TF: variants seen among roughly 807,000 people sequenced by gnomAD.
TF encodes the protein transferrin.
A neutral mutation model predicts 82.4 loss-of-function variants in TF; 55 were observed. That is an observed-to-expected ratio of 0.67 (90% CI 0.54 to 0.84). The LOEUF (loss-of-function observed/expected upper bound fraction) is 0.84. TF is among the 40% of genes least tolerant of loss of function. The probability of loss-of-function intolerance (pLI) is 0.00; values close to 1 mark genes in which losing one functional copy is unlikely to be tolerated. For synonymous variants in TF, 332 were observed against 332.6 expected, an observed-to-expected ratio of 1.00 and a Z score of 0.02; for missense variants, 737 against 868.4, an observed-to-expected ratio of 0.85 and a Z score of 1.90.
At chr3:133,713,852 AC>A in the TF span, among the ~76,000 whole-genome samples, 69 of 152,246 alleles carry the variant, frequency 4.5e-4, no homozygotes, top group African/African-American at 1.6e-3. Flanking sequence ...TATGGGGGGT[AC>A]CAAGTCCTGT....
chr3:133,735,803 A>G, the TF span, among the ~76,000 whole-genome samples: 1 of 152,358 alleles, frequency 6.6e-6, no homozygotes, highest in South Asian at 2.1e-4. Flanking sequence ...ATATGGGACT[A>G]TGTGAAAAGA....
In TF at chr3:133,778,567, T is replaced by TCTCTG. The variant is rs776974094; in HGVS notation, c.2063-10_2063-6dup. ...ATAGGAAGATTTTGAAAATCCTACC[T>TCTCTG]CTCTGCTCTGCTCCACAGCACTCCT... On this transcript the variant is annotated intron_variant, in intron 16 of 16. Transcript: ENST00000402696. 1.7e-5 allele frequency: 27 copies of TCTCTG among 1,612,364 alleles called. No homozygotes were observed. In the Middle Eastern group the frequency reaches 4.9e-4, roughly 29 times the overall value.
At chr3:133,682,823 C>A in the TF span, among the ~76,000 whole-genome samples, 1 of 152,194 alleles carries the variant, frequency 6.6e-6, no homozygotes, top group Non-Finnish European at 1.5e-5. Context: ...CCTAGCAAGG[C>A]AGGCCAACAT....
At chr3:133,715,548 C>A in the TF span, among the ~76,000 whole-genome samples, 1 of 152,190 alleles carries the variant, frequency 6.6e-6, no homozygotes, top group Non-Finnish European at 1.5e-5. Flanking sequence ...ATCTTAAACA[C>A]AAATAACTAA....
At chr3:133,708,496 T>G in the TF span, among the ~76,000 whole-genome samples, 1 of 151,966 alleles carries the variant, frequency 6.6e-6, no homozygotes, top group African/African-American at 2.4e-5. Context: ...TCTACTAGAG[T>G]AACATGAGGG....
At chr3:133,711,077 C>A in the TF span, among the ~76,000 whole-genome samples, 49 of 152,336 alleles carry the variant, frequency 3.2e-4, no homozygotes, top group African/African-American at 1.2e-3. Flanking sequence ...TGAAAACACA[C>A]TGGTTTGTTT....
In TF at chr3:133,784,510, G is replaced by T. The variant is rs1217539507; in HGVS notation, c.*5890G>T. On this transcript the variant is annotated 3_prime_UTR_variant, in exon 17 of 17. Coordinates refer to ENST00000402696, the MANE Select transcript of TF (RefSeq NM_001063.4). ...ATAATAATAATAATAATAATAATAG[G>T]ACATAAATGGCTTCTGGAGATGACT... 2.1e-5 allele frequency: 3 copies of T among 145,882 alleles called. No homozygotes were observed. The highest frequency in any genetic ancestry group is 3.0e-5 in the Non-Finnish European group (2 of 65,878). 9.0% of individuals were successfully genotyped at this position (145,882 alleles called of 1,614,324 possible). A position where few individuals can be genotyped will look rare whatever the true frequency, so the allele number is the denominator to read the frequency against.
At chr3:133,728,816 G>T in the TF span, among the ~76,000 whole-genome samples, 3 of 152,174 alleles carry the variant, frequency 2.0e-5, no homozygotes, top group Non-Finnish European at 4.4e-5. Context: ...TGATGGTGAT[G>T]TACAGATGGG....
chr3:133,722,586 T>TA, the TF span, among the ~76,000 whole-genome samples: 2 of 152,172 alleles, frequency 1.3e-5, no homozygotes, highest in African/African-American at 4.8e-5. Context: ...TATCTGTGGT[T>TA]ACCATGGGGC....
the TF span, among the ~76,000 whole-genome samples, chr3:133,695,499 G>T: frequency 6.6e-6 from 1 of 152,048 alleles, no homozygotes; most frequent in African/African-American, 2.4e-5. Context: ...ACCCACTTTT[G>T]TCTCCCAAAG....
At chr3:133,711,561 G>A in the TF span, among the ~76,000 whole-genome samples, 13 of 152,002 alleles carry the variant, frequency 8.6e-5, no homozygotes, top group African/African-American at 3.1e-4. Context: ...TCTATCTCCA[G>A]GGGTGCCAAT....
the TF span, among the ~76,000 whole-genome samples, chr3:133,726,538 T>C: frequency 3.3e-5 from 5 of 152,222 alleles, no homozygotes; most frequent in Admixed American, 3.3e-4. Context: ...TCTATTTGAT[T>C]CTTCTCTCTT....
the TF span, among the ~76,000 whole-genome samples, chr3:133,733,874 A>AAAAAC: frequency 6.6e-6 from 1 of 151,126 alleles, no homozygotes; most frequent in African/African-American, 2.5e-5. Flanking sequence ...AAACAAAAAA[A>AAAAAC]AAAAAAACAT....
upstream of TF, chr3:133,746,226 C>G: frequency 1.6e-6 from 1 of 625,136 alleles, no homozygotes; most frequent in Non-Finnish European, 2.9e-6. Flanking sequence ...ACTCGCGGGT[C>G]GTCTCCAGAG....
At chr3:133,679,169 C>T in the TF span, among the ~76,000 whole-genome samples, 1 of 152,242 alleles carries the variant, frequency 6.6e-6, no homozygotes, top group African/African-American at 2.4e-5. Context: ...CCACACCCGG[C>T]CAGCCCAGCT....
chr3:133,779,321 A>G lies in TF; in HGVS notation c.*701A>G, dbSNP rs1431098924. On this transcript the variant is annotated 3_prime_UTR_variant, in exon 17 of 17. Transcript: ENST00000402696. ...AGGTGGAGGCTGACTTTTCTGTCTC[A>G]CTTATTATTGGCTGAACATACAGAA... The G allele has an allele frequency of 1.3e-5, 2 of 152,330 alleles. No individual in the cohort carries two copies. The allele number at this position is 152,330 out of a possible 1,614,324, so 9.4% of individuals were successfully genotyped here.
chr3:133,759,392 C>G, intron 9 of TF, 63 bp downstream of exon 9: 1 of 1,597,158 alleles, frequency 6.3e-7, no homozygotes, highest in Non-Finnish European at 8.5e-7. Context: ...GCCCCCAAGA[C>G]TGAGCTAGGG....
At chr3:133,766,454 A>G (rs1417405467) in intron 12 of TF, 21 bp downstream of exon 12, 2 of 1,613,978 alleles carry the variant, frequency 1.2e-6, no homozygotes, top group South Asian at 2.2e-5. Flanking sequence ...ATTGGGAAGG[A>G]GGGCTGGTGA....
the TF span, among the ~76,000 whole-genome samples, chr3:133,713,046 T>C: frequency 3.3e-5 from 5 of 152,230 alleles, no homozygotes; most frequent in African/African-American, 1.2e-4. Flanking sequence ...GCAAGAATGA[T>C]GGCGGCAGAG....
Sources: allele counts gnomAD v4.1 joint callset (sites outside exome capture counted in the v4.1 genomes callset), GRCh38; gene constraint gnomAD v4.1.1; transcripts MANE v1.5; gene names NCBI Gene and HGNC (gene_info 2026-07-23, HGNC 2026-07-21).